The following ENOX1 variants were observed in gnomAD, a reference collection of about 807,000 sequenced individuals.
ENOX1 encodes the protein ecto-NOX disulfide-thiol exchanger 1, also known as candidate growth-related and time keeping constitutive hydroquinone (NADH) oxidase.
Under a neutral mutation model 82.5 loss-of-function variants are expected in ENOX1, and 42 were observed. That is an observed-to-expected ratio of 0.51 (90% CI 0.40 to 0.66). The LOEUF is 0.66. Among genes scored for constraint, ENOX1 ranks in the 30% least tolerant of loss-of-function variants. ENOX1 has a pLI of 0.00. For synonymous variants in ENOX1, 271 were observed against 282.2 expected (o/e 0.96, Z 0.40); for missense variants, 608 against 811.6 (o/e 0.75, Z 3.05).
intron 12 of ENOX1, among the ~76,000 whole-genome samples, chr13:43,278,919 C>A (rs1264906187): frequency 6.6e-6 from 1 of 152,102 alleles, no homozygotes; most frequent in Non-Finnish European, 1.5e-5. Flanking sequence ...CATTATTATT[C>A]ATTCCATTTT....
chr13:43,344,238 T>C (rs922562569), intron 9 of ENOX1, among the ~76,000 whole-genome samples: 71 of 152,170 alleles, frequency 4.7e-4, no homozygotes, highest in African/African-American at 1.7e-3. Context: ...AGCTATGATA[T>C]GAACCATGGT....
At chr13:43,257,145 G>C (rs2043795861) in intron 14 of ENOX1, among the ~76,000 whole-genome samples, 1 of 152,192 alleles carries the variant, frequency 6.6e-6, no homozygotes, top group African/African-American at 2.4e-5. Context: ...GGTTGCCAGA[G>C]TCCAGGCAGG....
chr13:43,512,049 A>G (rs1309745653), intron 2 of ENOX1, among the ~76,000 whole-genome samples: 1 of 152,136 alleles, frequency 6.6e-6, no homozygotes, highest in Non-Finnish European at 1.5e-5. Flanking sequence ...TGCATAATCT[A>G]CGAATACTGT....
intron 2 of ENOX1, among the ~76,000 whole-genome samples, chr13:43,558,193 A>G (rs936838142): frequency 6.6e-6 from 1 of 152,204 alleles, no homozygotes; most frequent in African/African-American, 2.4e-5. Context: ...ACACATCTTT[A>G]CTAGGGAACC....
At chr13:43,538,107 C>G (rs2078544965) in intron 2 of ENOX1, among the ~76,000 whole-genome samples, 1 of 152,238 alleles carries the variant, frequency 6.6e-6, no homozygotes, top group Non-Finnish European at 1.5e-5. Flanking sequence ...CCCATCTGAT[C>G]AGGCTGCCTC....
intron 1 of ENOX1, among the ~76,000 whole-genome samples, chr13:43,689,597 T>C (rs889595505): frequency 6.6e-6 from 1 of 152,232 alleles, no homozygotes; most frequent in Non-Finnish European, 1.5e-5. Context: ...ACCATGCAGA[T>C]GGACTGCTTT....
chr13:43,744,158 T>C (rs909616053), intron 1 of ENOX1, among the ~76,000 whole-genome samples: 2 of 152,048 alleles, frequency 1.3e-5, no homozygotes, highest in Non-Finnish European at 2.9e-5. Context: ...CAACTTCCAT[T>C]TCAGTGAAAA....
chr13:43,754,239 G>T (rs1950512867), intron 1 of ENOX1, among the ~76,000 whole-genome samples: 1 of 145,242 alleles, frequency 6.9e-6, no homozygotes, highest in Admixed American at 6.9e-5. Flanking sequence ...GTATACATAT[G>T]TATATATACA....
intron 1 of ENOX1, among the ~76,000 whole-genome samples, chr13:43,698,669 G>T (rs2086761678): frequency 1.3e-5 from 2 of 151,972 alleles, no homozygotes; most frequent in South Asian, 4.1e-4. Context: ...TTAACACCAT[G>T]ATCAAAAATA....
chr13:43,345,881 A>G (rs1423038211), intron 8 of ENOX1, among the ~76,000 whole-genome samples: 1 of 152,212 alleles, frequency 6.6e-6, no homozygotes, highest in Non-Finnish European at 1.5e-5. Flanking sequence ...CATTTAAAAA[A>G]TACTGAGTGC....
intron 2 of ENOX1, among the ~76,000 whole-genome samples, chr13:43,540,846 T>C (rs944249057): frequency 7.9e-5 from 12 of 152,100 alleles, no homozygotes; most frequent in African/African-American, 2.9e-4. Flanking sequence ...AAAAAGGTGG[T>C]GCCTTTAACT....
chr13:43,426,764 G>A (rs1202163407), intron 3 of ENOX1, among the ~76,000 whole-genome samples: 1 of 152,108 alleles, frequency 6.6e-6, no homozygotes, highest in Non-Finnish European at 1.5e-5. Flanking sequence ...GCACACTGAA[G>A]TAGACATATT....
rs2077823532 is a variant in ENOX1 at position 43,522,689 on chromosome 13, C to T, written c.-218-38537G>A. Among the ~76,000 whole-genome samples the T allele has an allele frequency of 2.0e-5, 3 of 152,126 alleles. No individual in the cohort carries two copies. In the South Asian group the frequency reaches 6.2e-4, roughly 32 times the overall value. On this transcript the variant is annotated intron_variant, in intron 2 of 16. Coordinates refer to ENST00000690772, the MANE Select transcript of ENOX1 (RefSeq NM_001347969.2). ...CCCTCTTTGCATCATGCTGTCTTTT[C>T]ATGCAGACCCTTGTGCTTTAGTGCA...
intron 2 of ENOX1, among the ~76,000 whole-genome samples, chr13:43,532,049 A>G (rs2078253580): frequency 6.6e-6 from 1 of 152,152 alleles, no homozygotes; most frequent in African/African-American, 2.4e-5. Context: ...CGTTGTGCAC[A>G]TGTACCCTAA....
At chr13:43,344,460 C>A in intron 9 of ENOX1, 78 bp downstream of exon 9, 2 of 1,210,846 alleles carry the variant, frequency 1.7e-6, no homozygotes, top group South Asian at 2.9e-5. Flanking sequence ...CTACTTACCC[C>A]CAAATGAAAA....
intron 5 of ENOX1, among the ~76,000 whole-genome samples, chr13:43,385,940 C>T (rs1392828777): frequency 6.6e-6 from 1 of 152,098 alleles, no homozygotes; most frequent in Non-Finnish European, 1.5e-5. Context: ...CCGAGGCAGG[C>T]AGATCACTTG....
intron 9 of ENOX1, among the ~76,000 whole-genome samples, chr13:43,331,303 G>A (rs2048396723): frequency 6.6e-6 from 1 of 152,156 alleles, no homozygotes; most frequent in Non-Finnish European, 1.5e-5. Flanking sequence ...TGTATTCCTT[G>A]TTCCAGCTAA....
At chr13:43,665,259 T>C (rs370731422) in intron 2 of ENOX1, among the ~76,000 whole-genome samples, 61 of 152,278 alleles carry the variant, frequency 4.0e-4, no homozygotes, top group African/African-American at 1.4e-3. Flanking sequence ...GAAGTAACAG[T>C]AGACATGGCT....
At chr13:43,235,656 C>T (rs1479999225) in intron 15 of ENOX1, among the ~76,000 whole-genome samples, 3 of 150,986 alleles carry the variant, frequency 2.0e-5, no homozygotes, top group Admixed American at 6.6e-5. Flanking sequence ...CACTTGAACC[C>T]GGCAGAAGGA....
Sources: allele counts gnomAD v4.1 joint callset (sites outside exome capture counted in the v4.1 genomes callset), GRCh38; gene constraint gnomAD v4.1.1; transcripts MANE v1.5; gene names NCBI Gene and HGNC (gene_info 2026-07-23, HGNC 2026-07-21).